The following THSD4 variants were observed in gnomAD, a reference collection of about 807,000 sequenced individuals.
The protein encoded by THSD4 is thrombospondin type-1 domain-containing protein 4.
THSD4 carries 69 observed loss-of-function variants against 119.0 expected under a neutral mutation model. That is an observed-to-expected ratio of 0.58 (90% CI 0.48 to 0.71). The LOEUF is 0.71. THSD4 is among the 30% of genes least tolerant of loss of function. The pLI is 0.00. For synonymous variants in THSD4, 524 were observed against 540.4 expected (o/e 0.97, Z 0.42); for missense variants, 1,393 against 1,391.1 (o/e 1.00, Z -0.02).
At chr15:71,279,676 G>T (rs549887072) in intron 6 of THSD4, among the ~76,000 whole-genome samples, 2 of 152,098 alleles carry the variant, frequency 1.3e-5, no homozygotes, top group Non-Finnish European at 2.9e-5. Flanking sequence ...ATCCTGCCTC[G>T]TGGAAACTGG....
At chr15:71,706,224 C>T (rs2052389227) in intron 8 of THSD4, among the ~76,000 whole-genome samples, 1 of 152,132 alleles carries the variant, frequency 6.6e-6, no homozygotes, top group African/African-American at 2.4e-5. Flanking sequence ...AATGAGGATG[C>T]AGCTTGCTTG....
At chr15:71,133,203 G>C (rs1232482224) in intron 1 of THSD4, among the ~76,000 whole-genome samples, 1 of 152,176 alleles carries the variant, frequency 6.6e-6, no homozygotes, top group African/African-American at 2.4e-5. Context: ...TTCCTAGGTA[G>C]GGTGACCTGC....
chr15:71,126,270 A>G (rs1037343101), intron 1 of THSD4, among the ~76,000 whole-genome samples: 2 of 152,160 alleles, frequency 1.3e-5, no homozygotes, highest in African/African-American at 4.8e-5. Flanking sequence ...AGCACAGGCC[A>G]CAGGAGGCTC....
At chr15:71,271,873 G>A (rs754675246) in intron 6 of THSD4, among the ~76,000 whole-genome samples, 1 of 152,144 alleles carries the variant, frequency 6.6e-6, no homozygotes, top group Non-Finnish European at 1.5e-5. Context: ...CAAGACATCA[G>A]TCTAGGGGAT....
chr15:71,343,200 A>G (rs955977338), intron 6 of THSD4, among the ~76,000 whole-genome samples: 8 of 152,232 alleles, frequency 5.3e-5, no homozygotes, highest in Non-Finnish European at 1.2e-4. Flanking sequence ...CCTGCATAAT[A>G]TAGCGAGACC....
intron 6 of THSD4, among the ~76,000 whole-genome samples, chr15:71,388,498 T>A (rs1437673292): frequency 6.6e-6 from 1 of 152,166 alleles, no homozygotes; most frequent in East Asian, 1.9e-4. Flanking sequence ...GTTGTTCAGC[T>A]CTTCCTGTAT....
rs1310431794 is a variant in THSD4 at position 71,576,514 on chromosome 15, T to C, written c.1153-84016T>C. Among the ~76,000 whole-genome samples, 3 of 152,198 alleles carry C rather than the reference T, an allele frequency of 2.0e-5. No individual in the cohort carries two copies. The East Asian group carries it at 5.8e-4, about 29-fold the overall frequency. ...TACATTCTGCTACTATGTTCTTAGC[T>C]TTTATGAAAGATGAAACAGCCAATT... On this transcript the variant is annotated intron_variant, in intron 7 of 17. Transcript: ENST00000261862.
Position 71,781,647 on chromosome 15 carries a change from C to T in THSD4, c.*4273C>T, listed in dbSNP as rs2054000293. On this transcript the variant is annotated 3_prime_UTR_variant, in exon 18 of 18. Transcript: ENST00000261862. ...TCCTAGGACCAGGACCAAGAAGCTA[C>T]AGGCAGGCACAGTTTAGCTCCTGCA... The T allele has an allele frequency of 6.6e-6, 1 of 152,334 alleles. No individual in the cohort carries two copies. The highest frequency in any genetic ancestry group is 2.1e-4 in the South Asian group (1 of 4,830). The allele number at this position is 152,334 out of a possible 1,614,324, so 9.4% of individuals were successfully genotyped here. A position where few individuals can be genotyped will look rare whatever the true frequency, so the allele number is the denominator to read the frequency against.
In THSD4 at chr15:71,728,604, A is replaced by C. The variant is rs746936368; in HGVS notation, c.1413A>C (p.Arg471=). ...TCAATGGGAACTGGGCAATTGATCG[A>C]CCAGGAAAATACGAGGGCGGAGGGA... ...SIINGNWAID[R]PGKYEGGGTM... Residue 471 remains arginine (R), a synonymous_variant, in exon 9 of 18, where the codon CGA becomes CGC. Transcript: ENST00000261862. 2 of 1,614,194 alleles carry C rather than the reference A, an allele frequency of 1.2e-6. No individual in the cohort carries two copies. Among genetic ancestry groups the C allele is most frequent in the Non-Finnish European group, 1.7e-6 (2 of 1,180,026 alleles).
intron 6 of THSD4, among the ~76,000 whole-genome samples, chr15:71,398,652 C>T (rs761906374): frequency 2.7e-4 from 41 of 152,030 alleles, no homozygotes; most frequent in Non-Finnish European, 5.4e-4. Context: ...AATTGGGTTG[C>T]GCTCTAGAAA....
intron 2 of THSD4, among the ~76,000 whole-genome samples, chr15:71,143,742 A>C (rs925935875): frequency 3.4e-5 from 3 of 87,654 alleles, no homozygotes; most frequent in Admixed American, 1.7e-4. Flanking sequence ...GATTTTGCTT[A>C]TCACCCAGGC....
At position 71,731,191 on chromosome 15, in the gene THSD4, C is replaced by T. The variant is rs1258811797; in HGVS notation, c.1604C>T (p.Pro535Leu). 1.2e-6 allele frequency: 2 copies of T among 1,614,038 alleles called. No individual in the cohort carries two copies. Among genetic ancestry groups the T allele is most frequent in the Non-Finnish European group, 1.7e-6 (2 of 1,180,018 alleles). The change falls in exon 10 of 18, where the codon CCC becomes CTC. Residue 535 changes from proline (P) to leucine (L), a missense_variant. By Grantham distance (98) the Pro-to-Leu change is moderately conservative (BLOSUM62 -3). Coordinates refer to ENST00000261862, the MANE Select transcript of THSD4 (RefSeq NM_024817.3). ...ATCATGGGGACCAACGCCATCAGCCCCCAGGTGCCACCCCACAGGAGACCA... is the reference window on the plus strand; with the variant it reads ...ATCATGGGGACCAACGCCATCAGCCTCCAGGTGCCACCCCACAGGAGACCA... The part of the protein sequence containing the change: ...YVIMGTNAIS[P>L]QVPPHRRPGE...
chr15:71,499,347 A>G (rs2048075547), intron 7 of THSD4, among the ~76,000 whole-genome samples: 1 of 152,086 alleles, frequency 6.6e-6, no homozygotes, highest in Non-Finnish European at 1.5e-5. Context: ...CAAACACTTG[A>G]GTTTTTGAAG....
chr15:71,532,277 A>AGTGT (rs1209552900), intron 7 of THSD4, among the ~76,000 whole-genome samples: 1 of 122,962 alleles, frequency 8.1e-6, no homozygotes, highest in African/African-American at 3.2e-5. Context: ...AGAGAGAGAG[A>AGTGT]GAGAGAGTGT....
chr15:71,773,639 C>T (rs571602383), intron 17 of THSD4, among the ~76,000 whole-genome samples: 3 of 152,220 alleles, frequency 2.0e-5, no homozygotes, highest in Non-Finnish European at 4.4e-5. Flanking sequence ...GCCAAAGTTA[C>T]TAAAGATGTC....
At chr15:71,219,289 A>C (rs2043957103) in intron 4 of THSD4, among the ~76,000 whole-genome samples, 1 of 152,220 alleles carries the variant, frequency 6.6e-6, no homozygotes, top group Non-Finnish European at 1.5e-5. Context: ...TGTTGGTCTG[A>C]TTCCAATCCA....
intron 7 of THSD4, among the ~76,000 whole-genome samples, chr15:71,587,383 A>T (rs571817145): frequency 4.2e-5 from 5 of 119,524 alleles, no homozygotes; most frequent in African/African-American, 1.4e-4. Context: ...CAAATGTCCA[A>T]CAATGATAGA....
At chr15:71,143,004 G>A (rs2040619764) in intron 2 of THSD4, among the ~76,000 whole-genome samples, 1 of 152,218 alleles carries the variant, frequency 6.6e-6, no homozygotes, top group South Asian at 2.1e-4. Flanking sequence ...TGAGTGCAGT[G>A]CATGTGTGTG....
At chr15:71,598,904 A>T (rs1470710203) in intron 7 of THSD4, among the ~76,000 whole-genome samples, 1 of 152,156 alleles carries the variant, frequency 6.6e-6, no homozygotes, top group Non-Finnish European at 1.5e-5. Context: ...AAGTTGAGCC[A>T]CCGCATCTGA....
Sources: gnomAD v4.1 joint callset for allele counts (sites outside exome capture counted in the v4.1 genomes callset) on GRCh38, gnomAD v4.1.1 for gene constraint, MANE v1.5 for transcripts, NCBI Gene and HGNC (gene_info 2026-07-23, HGNC 2026-07-21) for gene names.